Variants in RIN3 observed in about 807,000 individuals in gnomAD.
The protein encoded by RIN3 is RAB5 interacting protein 3.
In RIN3, 54 loss-of-function variants were observed where a neutral mutation model predicts 76.3. That is an observed-to-expected ratio of 0.71 (90% CI 0.57 to 0.89). The LOEUF is 0.89. Ranked by LOEUF, RIN3 falls within the 40% of genes least tolerant of loss-of-function variation. The probability of loss-of-function intolerance (pLI) is 0.00; values close to 1 mark genes in which losing one functional copy is unlikely to be tolerated. For missense variants in RIN3, 1,256 were observed against 1,322.1 expected, an observed-to-expected ratio of 0.95 and a Z score of 0.78; for synonymous variants, 576 against 564.0, an observed-to-expected ratio of 1.02 and a Z score of -0.30.
rs191608698 is a variant in RIN3 at position 92,535,735 on chromosome 14, C to T, written c.45-20016C>T. Among the ~76,000 whole-genome samples the T allele has an allele frequency of 3.3e-3, 458 of 137,436 alleles. 5 individuals are homozygous for T. The highest frequency in any genetic ancestry group is 0.011 in the African/African-American group (400 of 35,762). The allele number at this position is 137,436 out of a possible 152,430, so 90.2% of individuals were successfully genotyped here. A position where few individuals can be genotyped will look rare whatever the true frequency, so the allele number is the denominator to read the frequency against. ...TGTCGCCTAGGCTGGATTTCAGTGG[C>T]GTGACCTTGGCTCACTGCAACCTCC... On this transcript the variant is annotated intron_variant, in intron 1 of 9. Transcript: ENST00000216487.
intron 5 of RIN3, among the ~76,000 whole-genome samples, chr14:92,646,182 C>T (rs957035883): frequency 2.6e-5 from 4 of 152,150 alleles, no homozygotes; most frequent in South Asian, 4.1e-4. Context: ...GTTTGAACCC[C>T]GTGCTCTGCC....
chr14:92,584,408 G>A (rs1396959608), intron 3 of RIN3, among the ~76,000 whole-genome samples: 2 of 152,192 alleles, frequency 1.3e-5, no homozygotes, highest in Non-Finnish European at 2.9e-5. Flanking sequence ...AGGTCACATG[G>A]CCAGGCCAGC....
chr14:92,577,521 C>A, intron 3 of RIN3, 44 bp downstream of exon 3: 1 of 1,237,706 alleles, frequency 8.1e-7, no homozygotes, highest in Non-Finnish European at 1.2e-6. Context: ...CACGCGGCAG[C>A]AGCAGCAGCA....
intron 3 of RIN3, among the ~76,000 whole-genome samples, chr14:92,585,627 T>G (rs949570657): frequency 6.6e-6 from 1 of 152,114 alleles, no homozygotes; most frequent in Non-Finnish European, 1.5e-5. Context: ...CAGCAGGTTT[T>G]TTTGTTTGTT....
chr14:92,654,439 C>G (rs1038180096), intron 6 of RIN3, among the ~76,000 whole-genome samples: 3 of 152,234 alleles, frequency 2.0e-5, no homozygotes, highest in African/African-American at 7.2e-5. Context: ...CTGCCCCAGC[C>G]GTCCCCTGGC....
Position 92,627,604 on chromosome 14 carries a change from C to T in RIN3, c.440+12125C>T, listed in dbSNP as rs181659957. ...CAGCTTTTCTTACTTTGGTCTTGTG[C>T]GCAAAGTTACCTGGTCGCCACGGTA... On this transcript the variant is annotated intron_variant, in intron 4 of 9. Coordinates refer to ENST00000216487, the MANE Select transcript of RIN3 (RefSeq NM_024832.5). Among the ~76,000 whole-genome samples, 136 of 152,240 alleles carry T rather than the reference C, an allele frequency of 8.9e-4. 1 individual carries two copies. Among genetic ancestry groups the T allele is most frequent in the East Asian group, 4.3e-3 (22 of 5,162 alleles).
intron 4 of RIN3, among the ~76,000 whole-genome samples, chr14:92,633,418 G>A (rs1886660061): frequency 6.6e-6 from 1 of 152,182 alleles, no homozygotes; most frequent in African/African-American, 2.4e-5. Flanking sequence ...TGACTAAGCC[G>A]CCACCCTCCT....
intron 3 of RIN3, among the ~76,000 whole-genome samples, chr14:92,598,736 C>A (rs1885239563): frequency 6.6e-6 from 1 of 152,102 alleles, no homozygotes; most frequent in Non-Finnish European, 1.5e-5. Flanking sequence ...CTTTGGGATG[C>A]AAGAATCACT....
intron 1 of RIN3, among the ~76,000 whole-genome samples, chr14:92,523,750 A>G (rs1896656196): frequency 6.6e-6 from 1 of 152,210 alleles, no homozygotes; most frequent in South Asian, 2.1e-4. Context: ...GTGCTTTGAC[A>G]GGGCTAGGTT....
At chr14:92,650,111 G>A (rs981185858) in intron 5 of RIN3, among the ~76,000 whole-genome samples, 5 of 152,230 alleles carry the variant, frequency 3.3e-5, no homozygotes, top group Admixed American at 1.3e-4. Context: ...AGAGCCTGTT[G>A]TGTTGTTGCC....
Position 92,555,966 on chromosome 14 carries a change from G to GCGTCTCCCACTTGGTAGGCA in RIN3, c.249+13_249+32dup, listed in dbSNP as rs1275441613. 1 of 1,609,242 alleles carries GCGTCTCCCACTTGGTAGGCA rather than the reference G, an allele frequency of 6.2e-7. No individual in the cohort carries two copies. Among genetic ancestry groups the GCGTCTCCCACTTGGTAGGCA allele is most frequent in the Non-Finnish European group, 8.5e-7 (1 of 1,179,210 alleles). ...CGGGTGGTGGCTGGGGTGAGTGGGG[G>GCGTCTCCCACTTGGTAGGCA]CGTCTCCCACTTGGTAGGCACACAC... On this transcript the variant is annotated intron_variant, in intron 2 of 9. Coordinates refer to ENST00000216487, the MANE Select transcript of RIN3 (RefSeq NM_024832.5).
At chr14:92,527,336 GCC>G (rs1896766047) in intron 1 of RIN3, among the ~76,000 whole-genome samples, 1 of 152,272 alleles carries the variant, frequency 6.6e-6, no homozygotes, top group African/African-American at 2.4e-5. Flanking sequence ...ACAGGCGTGA[GCC>G]ACTGCACCTG....
chr14:92,672,469 T>C (rs751080915), intron 7 of RIN3, among the ~76,000 whole-genome samples: 1 of 152,136 alleles, frequency 6.6e-6, no homozygotes, highest in Non-Finnish European at 1.5e-5. Context: ...AAGCAACCAC[T>C]AGTCTCTGTT....
intron 1 of RIN3, among the ~76,000 whole-genome samples, chr14:92,528,723 G>A (rs777691132): frequency 1.3e-5 from 2 of 152,208 alleles, no homozygotes; most frequent in Non-Finnish European, 2.9e-5. Context: ...TGTGTCCCGG[G>A]TGGAGTGTGA....
chr14:92,597,237 GAAAT>G (rs1885181660), intron 3 of RIN3, among the ~76,000 whole-genome samples: 1 of 152,204 alleles, frequency 6.6e-6, no homozygotes, highest in African/African-American at 2.4e-5. Context: ...GTAGAAACAG[GAAAT>G]AAATTTCAAT....
Position 92,687,921 on chromosome 14 carries a change from C to T in RIN3, c.2632-5C>T. The T allele has an allele frequency of 1.3e-6, 2 of 1,539,340 alleles. No homozygotes were observed. The highest frequency in any genetic ancestry group is 1.7e-6 in the Non-Finnish European group (2 of 1,143,358). On this transcript the variant is annotated splice_region_variant and splice_polypyrimidine_tract_variant and intron_variant, in intron 9 of 9. Transcript: ENST00000216487. ...CGTGACCACAGGCCCCTCGCGTCTCCGCAGGACTTCATCTGCGTGTCGTAC... is the reference window on the plus strand; with the variant it reads ...CGTGACCACAGGCCCCTCGCGTCTCTGCAGGACTTCATCTGCGTGTCGTAC...
rs116319584 is a variant in RIN3 at position 92,520,060 on chromosome 14, A to G, written c.44+6084A>G. Reference sequence around the variant, plus strand: ...ACAGTGCTGATAGTCAGAAGCTTTGAACATGGCTGCAGAACCCCCTGCCCC... The same window carrying G: ...ACAGTGCTGATAGTCAGAAGCTTTGGACATGGCTGCAGAACCCCCTGCCCC... On this transcript the variant is annotated intron_variant, in intron 1 of 9. Coordinates refer to ENST00000216487, the MANE Select transcript of RIN3 (RefSeq NM_024832.5). 9.4e-3 allele frequency among the ~76,000 whole-genome samples: 1,437 copies of G among 152,360 alleles called. 25 individuals are homozygous for G. The highest frequency in any genetic ancestry group is 0.032 in the African/African-American group (1,344 of 41,584).
chr14:92,515,042 C>T lies in RIN3; in HGVS notation c.44+1066C>T, dbSNP rs1896400777. The T allele has an allele frequency of 1.6e-5, 9 of 557,990 alleles. No homozygotes were observed. In the East Asian group the frequency reaches 2.8e-4, roughly 17 times the overall value. 34.6% of individuals were successfully genotyped at this position (557,990 alleles called of 1,614,324 possible). ...GAGAGTTGGGCCCATCTTGTGCAGT[C>T]CTGAACTGGGGGACAGCTGGAGGTG... On this transcript the variant is annotated intron_variant, in intron 1 of 9. Transcript: ENST00000216487.
rs1896398290 is a variant in RIN3, at chr14:92,514,954, G to T, written c.44+978G>T. On this transcript the variant is annotated intron_variant, in intron 1 of 9. Transcript: ENST00000216487. The surrounding 1 kb of genome is among the most constrained non-coding windows in gnomAD (Gnocchi z 7.2). ...CTACTTCTCTGATGGACACCCTGCC[G>T]CTCCCTGGCTTGGCAGTGGGACCTC... is the stretch of plus-strand genomic sequence containing the variant. Among the ~76,000 whole-genome samples the T allele has an allele frequency of 6.6e-6, 1 of 152,176 alleles. No individual in the cohort carries two copies. The highest frequency in any genetic ancestry group is 2.1e-4 in the South Asian group (1 of 4,826).
Sources: gnomAD v4.1 joint callset for allele counts (sites outside exome capture counted in the v4.1 genomes callset) on GRCh38, gnomAD v4.1.1 for gene constraint, Gnocchi (gnomAD v3.1) non-coding constraint, MANE v1.5 for transcripts, NCBI Gene and HGNC (gene_info 2026-07-23, HGNC 2026-07-21) for gene names.